Variants in NKAIN3 observed in about 807,000 individuals in gnomAD.
The protein encoded by NKAIN3 is sodium/potassium-transporting ATPase subunit beta-1-interacting protein 3.
A neutral mutation model predicts 30.2 loss-of-function variants in NKAIN3; 25 were observed. That is an observed-to-expected ratio of 0.83 (90% CI 0.60 to 1.16). NKAIN3 has a LOEUF of 1.16. NKAIN3 is among the 50% of genes most tolerant of loss of function. NKAIN3 has a pLI of 0.00. For synonymous variants in NKAIN3, 91 were observed against 89.6 expected, an observed-to-expected ratio of 1.02 and a Z score of -0.09; for missense variants, 225 against 254.1, an observed-to-expected ratio of 0.89 and a Z score of 0.78.
At chr8:62,472,456 G>C (rs562205914) in intron 1 of NKAIN3, among the ~76,000 whole-genome samples, 7 of 152,258 alleles carry the variant, frequency 4.6e-5, no homozygotes, top group Non-Finnish European at 7.4e-5. Context: ...ATATTCTTAT[G>C]AGAATTAAAT....
In NKAIN3 at chr8:62,972,870, C is replaced by T. The variant is rs143181523; in HGVS notation, c.*7463C>T. Among the ~76,000 whole-genome samples the T allele has an allele frequency of 0.085, 12,427 of 145,482 alleles. 623 individuals are homozygous for T. Among genetic ancestry groups the T allele is most frequent in the South Asian group, 0.13 (561 of 4,398 alleles). ...GCCCTGGTGTGTGATGTTCCCCTCC[C>T]TGTGCCCATATGTTCTCATTGTTCA... On this transcript the variant is annotated 3_prime_UTR_variant, in exon 7 of 7. Coordinates refer to ENST00000623646, the MANE Select transcript of NKAIN3 (RefSeq NM_001304533.3).
intron 4 of NKAIN3, among the ~76,000 whole-genome samples, chr8:62,788,370 C>A (rs1207627296): frequency 6.6e-6 from 1 of 152,106 alleles, no homozygotes; most frequent in Non-Finnish European, 1.5e-5. Flanking sequence ...CCTTCGCCCA[C>A]TTTTTGATGG....
chr8:62,754,400 A>G (rs1816385031), intron 4 of NKAIN3, among the ~76,000 whole-genome samples: 1 of 152,134 alleles, frequency 6.6e-6, no homozygotes, highest in South Asian at 2.1e-4. Flanking sequence ...ACACATATAA[A>G]GGAGCTCATT....
chr8:62,503,564 G>A (rs1807528954), intron 1 of NKAIN3, among the ~76,000 whole-genome samples: 1 of 152,002 alleles, frequency 6.6e-6, no homozygotes. Context: ...AGGAGACCAG[G>A]GCGTATCTCA....
intron 4 of NKAIN3, among the ~76,000 whole-genome samples, chr8:62,777,893 GC>G (rs1458712853): frequency 1.1e-4 from 17 of 152,184 alleles, no homozygotes; most frequent in Non-Finnish European, 1.9e-4. Flanking sequence ...TAAGTTTTTG[GC>G]TTCTGCAGCT....
At chr8:62,689,866 A>G (rs2130439395) in intron 3 of NKAIN3, among the ~76,000 whole-genome samples, 1 of 152,128 alleles carries the variant, frequency 6.6e-6, no homozygotes, top group Admixed American at 6.5e-5. Flanking sequence ...GAGCCCTGAG[A>G]AAAATTACAT....
chr8:62,256,529 A>G (rs1311547510), intron 1 of NKAIN3, among the ~76,000 whole-genome samples: 1 of 152,238 alleles, frequency 6.6e-6, no homozygotes, highest in Non-Finnish European at 1.5e-5. Context: ...AGGCTCTTCA[A>G]GGGCTGTGGT....
At chr8:62,388,575 T>G (rs550789105) in intron 1 of NKAIN3, among the ~76,000 whole-genome samples, 1 of 152,368 alleles carries the variant, frequency 6.6e-6, no homozygotes, top group South Asian at 2.1e-4. Flanking sequence ...ACCCTGGCCG[T>G]GATATTGAAC....
chr8:62,383,841 C>T (rs1290645878), intron 1 of NKAIN3, among the ~76,000 whole-genome samples: 1 of 151,578 alleles, frequency 6.6e-6, no homozygotes, highest in African/African-American at 2.4e-5. Context: ...AAGGTTTTTT[C>T]ACCTGCTGGT....
intron 3 of NKAIN3, among the ~76,000 whole-genome samples, chr8:62,621,806 A>G (rs760512093): frequency 7.2e-5 from 11 of 151,988 alleles, no homozygotes; most frequent in Non-Finnish European, 1.3e-4. Context: ...ATTTTCTCCT[A>G]CTTTTTTCTG....
chr8:62,339,749 A>G lies in NKAIN3; in HGVS notation c.54+90622A>G, dbSNP rs368038744. Among the ~76,000 whole-genome samples, 32 of 152,178 alleles carry G rather than the reference A, an allele frequency of 2.1e-4. 1 individual carries two copies. In the South Asian group the frequency reaches 6.6e-3, roughly 32 times the overall value. On this transcript the variant is annotated intron_variant, in intron 1 of 6. Transcript: ENST00000623646. Reference sequence around the variant, plus strand: ...CAGAAATCACCATGTGTTTATTTACATGCTCTGTACCCCAAGTTAAAAAGT... The same window carrying G: ...CAGAAATCACCATGTGTTTATTTACGTGCTCTGTACCCCAAGTTAAAAAGT...
intron 3 of NKAIN3, among the ~76,000 whole-genome samples, chr8:62,646,587 G>A (rs1812466726): frequency 6.6e-6 from 1 of 151,994 alleles, no homozygotes; most frequent in Non-Finnish European, 1.5e-5. Context: ...TATCCACTTT[G>A]AACAGGCTTA....
At chr8:62,379,058 T>C (rs138113718) in intron 1 of NKAIN3, among the ~76,000 whole-genome samples, 1,961 of 152,324 alleles carry the variant, frequency 0.013, 40 homozygotes, top group Middle Eastern at 0.027. Flanking sequence ...ACCTACCTTT[T>C]GCATCAGTGT....
At chr8:62,522,621 C>T (rs187952080) in intron 1 of NKAIN3, among the ~76,000 whole-genome samples, 2 of 152,066 alleles carry the variant, frequency 1.3e-5, no homozygotes, top group Admixed American at 6.6e-5. Flanking sequence ...GACAGTGACA[C>T]TGATGATCCT....
rs529232770 is a variant in NKAIN3 at position 62,974,062 on chromosome 8, C to T, written c.*8655C>T. On this transcript the variant is annotated 3_prime_UTR_variant, in exon 7 of 7. Transcript: ENST00000623646. ...TAAAAGTACCATGTTGTTTTGGTTACTGTAGCCTTGTAGTATAGTTTGAAG... is the reference window on the plus strand; with the variant it reads ...TAAAAGTACCATGTTGTTTTGGTTATTGTAGCCTTGTAGTATAGTTTGAAG... Among the ~76,000 whole-genome samples, 3 of 152,302 alleles carry T rather than the reference C, an allele frequency of 2.0e-5. No homozygotes were observed. The South Asian group carries it at 6.2e-4, about 32-fold the overall frequency.
At position 62,882,302 on chromosome 8, in the gene NKAIN3, A is replaced by G. The variant is rs562508406; in HGVS notation, c.472-36151A>G. 3.9e-5 allele frequency among the ~76,000 whole-genome samples: 6 copies of G among 151,968 alleles called. No individual in the cohort carries two copies. The East Asian group carries it at 1.2e-3, about 29-fold the overall frequency. On this transcript the variant is annotated intron_variant, in intron 4 of 6. Transcript: ENST00000623646. The stretch of plus-strand genomic sequence containing the variant: ...TCAAGGAACATGTTTTTGGTGTTGT[A>G]TTTATTTATTTATTATTTAATTTTT...
chr8:62,815,568 A>T (rs1441760941), intron 4 of NKAIN3, among the ~76,000 whole-genome samples: 1 of 152,190 alleles, frequency 6.6e-6, no homozygotes, highest in African/African-American at 2.4e-5. Flanking sequence ...GGTTCAATAT[A>T]CACAAATCAA....
intron 4 of NKAIN3, among the ~76,000 whole-genome samples, chr8:62,748,935 A>C (rs1816178916): frequency 6.6e-6 from 1 of 152,166 alleles, no homozygotes; most frequent in Non-Finnish European, 1.5e-5. Flanking sequence ...ATTACATACA[A>C]AATTGTGGCA....
chr8:62,567,613 G>A (rs1809798141), intron 1 of NKAIN3, among the ~76,000 whole-genome samples: 1 of 151,994 alleles, frequency 6.6e-6, no homozygotes, highest in Non-Finnish European at 1.5e-5. Flanking sequence ...CAGAATGATG[G>A]TAGCATGAGG....
Sources: gnomAD v4.1 joint callset for allele counts (sites outside exome capture counted in the v4.1 genomes callset) on GRCh38, gnomAD v4.1.1 for gene constraint, MANE v1.5 for transcripts, NCBI Gene and HGNC (gene_info 2026-07-23, HGNC 2026-07-21) for gene names.